Variants in STON2 observed in about 807,000 individuals in gnomAD.
The protein encoded by STON2 is stonin 2, also known as stonin-2.
A neutral mutation model predicts 65.7 loss-of-function variants in STON2; 29 were observed. The ratio of observed to expected loss-of-function variants is 0.44; its 90% CI spans 0.33 to 0.60. The LOEUF is 0.60. Among genes scored for constraint, STON2 ranks in the 20% least tolerant of loss-of-function variants. The pLI is 0.03. For missense variants in STON2, 1,054 were observed against 1,118.1 expected (o/e 0.94, Z 0.82); for synonymous variants, 404 against 414.2 (o/e 0.98, Z 0.30).
At chr14:81,427,965 A>G (rs552527571) in intron 1 of STON2, among the ~76,000 whole-genome samples, 1 of 152,284 alleles carries the variant, frequency 6.6e-6, no homozygotes, top group African/African-American at 2.4e-5. Flanking sequence ...GCTCCATTAC[A>G]ACCTTTGACA....
At chr14:81,434,953 T>TTC (rs1297865936) in intron 1 of STON2, among the ~76,000 whole-genome samples, 1 of 151,878 alleles carries the variant, frequency 6.6e-6, no homozygotes, top group Non-Finnish European at 1.5e-5. Context: ...TGAGTTTTTT[T>TTC]TCTCTCTCTC....
chr14:81,328,162 G>A (rs936469537), intron 4 of STON2, among the ~76,000 whole-genome samples: 9 of 152,094 alleles, frequency 5.9e-5, no homozygotes, highest in African/African-American at 2.2e-4. Flanking sequence ...CTGGCAAACC[G>A]CAGCTGCTCA....
intron 4 of STON2, among the ~76,000 whole-genome samples, chr14:81,343,223 A>C (rs1897683244): frequency 6.6e-6 from 1 of 152,218 alleles, no homozygotes; most frequent in South Asian, 2.1e-4. Flanking sequence ...TATATGCCAA[A>C]GTGAAAAATG....
chr14:81,388,764 G>T (rs1899942452), intron 3 of STON2, among the ~76,000 whole-genome samples: 1 of 152,148 alleles, frequency 6.6e-6, no homozygotes, highest in South Asian at 2.1e-4. Flanking sequence ...AAGAGTGGAA[G>T]AAAGGGAATT....
At chr14:81,389,707 A>G (rs11847979) in intron 3 of STON2, among the ~76,000 whole-genome samples, 2,735 of 152,296 alleles carry the variant, frequency 0.018, 98 homozygotes, top group African/African-American at 0.064. Flanking sequence ...AGTGAGGAAA[A>G]CTGGATAAAA....
At chr14:81,368,937 C>G (rs1043718130) in intron 4 of STON2, among the ~76,000 whole-genome samples, 16 of 152,292 alleles carry the variant, frequency 1.1e-4, no homozygotes, top group African/African-American at 3.6e-4. Flanking sequence ...CCGCTTCCAA[C>G]CTCAGATCCA....
At position 81,309,100 on chromosome 14, in the gene STON2, A is replaced by T. The variant is rs28405241; in HGVS notation, c.742+14917T>A. The stretch of plus-strand genomic sequence containing the variant: ...GTCAAAATTCTATAAAAAAAAAAAA[A>T]CTCGTTATTTTGACCCATGAGCCTC... On this transcript the variant is annotated intron_variant, in intron 5 of 7. Coordinates refer to ENST00000614646, the MANE Select transcript of STON2 (RefSeq NM_001394390.1). Among the ~76,000 whole-genome samples the T allele has an allele frequency of 4.3e-3, 643 of 149,040 alleles. 4 individuals carry two copies. Among genetic ancestry groups the T allele is most frequent in the African/African-American group, 0.012 (483 of 40,680 alleles).
chr14:81,366,131 C>T lies in STON2; in HGVS notation c.571+4857G>A, dbSNP rs561938843. ...CATCAACACTGCTCTCCAGCTCTGC[C>T]CCCCCGCACCCTGTGATTTAACCAA... On this transcript the variant is annotated intron_variant, in intron 4 of 7. Coordinates refer to ENST00000614646, the MANE Select transcript of STON2 (RefSeq NM_001394390.1). 7.2e-5 allele frequency among the ~76,000 whole-genome samples: 11 copies of T among 152,274 alleles called. No individual in the cohort carries two copies. In the South Asian group the frequency reaches 1.7e-3, roughly 23 times the overall value.
rs1259864074 is a variant in STON2 at position 81,371,010 on chromosome 14, C to T, written c.549G>A (p.Gln183=). The T allele has an allele frequency of 6.2e-7, 1 of 1,612,906 alleles. No individual in the cohort carries two copies. The highest frequency in any genetic ancestry group is 1.3e-5 in the African/African-American group (1 of 75,010). The change falls in exon 4 of 8, where the codon CAG becomes CAA. Residue 183 remains glutamine, a synonymous_variant. Transcript: ENST00000614646. ...LINAEEQTSG[Q]ASGADSTDKR... ...TACCAGTTGAGTCAGCCCCAGAAGC[C>T]TGGCCACTCGTCTGCTCCTCAGCAT...
In STON2 at chr14:81,265,792, G is replaced by C; in HGVS notation, c.*2622C>G. On this transcript the variant is annotated 3_prime_UTR_variant, in exon 8 of 8. Transcript: ENST00000614646. ...AAAAAGTCCAGGTGCATGTACACAGGAAATGAGAATTTACCATGGGGGGCG... is the reference window on the plus strand; with the variant it reads ...AAAAAGTCCAGGTGCATGTACACAGCAAATGAGAATTTACCATGGGGGGCG... The C allele has an allele frequency of 1.0e-6, 1 of 985,174 alleles. No individual in the cohort carries two copies. Among genetic ancestry groups the C allele is most frequent in the South Asian group, 4.7e-5 (1 of 21,280 alleles). The allele number at this position is 985,174 out of a possible 1,614,324, so 61.0% of individuals were successfully genotyped here.
intron 4 of STON2, among the ~76,000 whole-genome samples, chr14:81,328,404 G>A (rs1236248074): frequency 6.6e-6 from 1 of 152,196 alleles, no homozygotes; most frequent in East Asian, 1.9e-4. Flanking sequence ...TATTTTGAAA[G>A]TAAGTACTAC....
At chr14:81,377,349 A>G (rs1176472102) in intron 3 of STON2, among the ~76,000 whole-genome samples, 1 of 152,158 alleles carries the variant, frequency 6.6e-6, no homozygotes, top group Non-Finnish European at 1.5e-5. Context: ...CCAGTAGTTC[A>G]TTCCTTTTTA....
intron 5 of STON2, among the ~76,000 whole-genome samples, chr14:81,308,895 CAGGATTTGAG>C (rs1896313183): frequency 6.6e-5 from 1 of 15,196 alleles, no homozygotes; most frequent in African/African-American, 2.8e-4. Context: ...AGGGTTGTGG[CAGGATTTGAG>C]ACAGAAAGGC....
rs1428827591 is a variant in STON2, at chr14:81,412,352, T to C, written c.-198-13772A>G. 1.4e-5 allele frequency among the ~76,000 whole-genome samples: 2 copies of C among 139,748 alleles called. 1 individual carries two copies. The highest frequency in any genetic ancestry group is 1.4e-4 in the Admixed American group (2 of 14,086). The allele number at this position is 139,748 out of a possible 152,430, so 91.7% of individuals were successfully genotyped here. On this transcript the variant is annotated intron_variant, in intron 2 of 8. Transcript: ENST00000553821. ...AACAACCTAGGCGTCCGATGATGAA[T>C]GGGATGGATAAGCAAAATGTAGTAT... is the stretch of plus-strand genomic sequence containing the variant.
chr14:81,355,054 G>C (rs1361840958), intron 4 of STON2, among the ~76,000 whole-genome samples: 1 of 151,744 alleles, frequency 6.6e-6, no homozygotes, highest in African/African-American at 2.4e-5. Flanking sequence ...AAGAATGAGT[G>C]AGCTCAAAGA....
chr14:81,265,666 TAATAATAATACTCTGTCTC>T lies in STON2; in HGVS notation c.*2729_*2747del. ...GTCTCAGTAATAATAATAATAATAA[TAATAATAATACTCTGTCTC>T]AATAATAATAATAATAATAATTTGT... On this transcript the variant is annotated 3_prime_UTR_variant, in exon 8 of 8. Transcript: ENST00000614646. 1 of 570,538 alleles carries T rather than the reference TAATAATAATACTCTGTCTC, an allele frequency of 1.8e-6. No individual in the cohort carries two copies. Among genetic ancestry groups the T allele is most frequent in the Non-Finnish European group, 2.2e-6 (1 of 451,268 alleles). The allele number at this position is 570,538 out of a possible 1,614,324, so 35.3% of individuals were successfully genotyped here.
In STON2 at chr14:81,278,142, A is replaced by G. The variant is rs1353149195; in HGVS notation, c.1340T>C (p.Ile447Thr). The change falls in exon 6 of 8, where the codon ATT becomes ACT. Residue 447 changes from isoleucine to threonine, a missense_variant. Physicochemically the swap from Ile to Thr is moderately conservative, Grantham distance 89. Coordinates refer to ENST00000614646, the MANE Select transcript of STON2 (RefSeq NM_001394390.1). ...ACTGCCAAAGTGATCAGGGTCATCAATTTGGAGTTGTTTGAGTTTTTCAAC... is the reference window on the plus strand; with the variant it reads ...ACTGCCAAAGTGATCAGGGTCATCAGTTTGGAGTTGTTTGAGTTTTTCAAC... ...DAVEKLKQLQ[I>T]DDPDHFGSAT... is the part of the protein sequence containing the mutation. 5.0e-6 allele frequency: 8 copies of G among 1,614,148 alleles called. No individual in the cohort carries two copies. Among genetic ancestry groups the G allele is most frequent in the Non-Finnish European group, 6.8e-6 (8 of 1,180,022 alleles).
At chr14:81,365,874 CAGA>C (rs545894281) in intron 4 of STON2, among the ~76,000 whole-genome samples, 2 of 152,318 alleles carry the variant, frequency 1.3e-5, no homozygotes, top group Non-Finnish European at 2.9e-5. Context: ...ACTTCAAAGG[CAGA>C]AGGTTTGCTT....
intron 6 of STON2, among the ~76,000 whole-genome samples, chr14:81,274,815 G>A (rs906633336): frequency 6.6e-6 from 1 of 152,002 alleles, no homozygotes; most frequent in Non-Finnish European, 1.5e-5. Flanking sequence ...TGATGCAGGA[G>A]AATCGCTTGA....
Sources: allele counts gnomAD v4.1 joint callset (sites outside exome capture counted in the v4.1 genomes callset), GRCh38; gene constraint gnomAD v4.1.1; transcripts MANE v1.5; gene names NCBI Gene and HGNC (gene_info 2026-07-23, HGNC 2026-07-21).